RBFOX1: variants seen among roughly 807,000 people sequenced by gnomAD.
RBFOX1 encodes RNA binding protein fox-1 homolog 1.
In RBFOX1, 8 loss-of-function variants were observed where a neutral mutation model predicts 57.7. The observed-to-expected ratio is 0.14, with a 90% CI of 0.08 to 0.25. RBFOX1 has a LOEUF of 0.25. Among genes scored for constraint, RBFOX1 ranks in the 10% least tolerant of loss-of-function variants. RBFOX1 has a pLI of 1.00. For missense variants in RBFOX1, 611 were observed against 548.5 expected (o/e 1.11, Z -1.14); for synonymous variants, 326 against 222.4 (o/e 1.47, Z -4.15).
At chr16:6,404,445 T>C (rs937130426) in intron 2 of RBFOX1, among the ~76,000 whole-genome samples, 1 of 152,136 alleles carries the variant, frequency 6.6e-6, no homozygotes, top group East Asian at 1.9e-4. Flanking sequence ...AGAGTTCAGT[T>C]ACAAATGCAA....
At chr16:7,708,171 TC>T (rs917616436) in intron 14 of RBFOX1, among the ~76,000 whole-genome samples, 19 of 151,606 alleles carry the variant, frequency 1.3e-4, no homozygotes, top group African/African-American at 4.6e-4. Context: ...AGACTTTGTC[TC>T]CCCCCTCATA....
intron 3 of RBFOX1, among the ~76,000 whole-genome samples, chr16:5,794,989 C>G (rs529725075): frequency 5.9e-5 from 9 of 152,334 alleles, no homozygotes; most frequent in Non-Finnish European, 1.2e-4. Context: ...GAGTCACATT[C>G]AAGCCAACAT....
chr16:5,958,220 A>C (rs1596300941), intron 4 of RBFOX1, among the ~76,000 whole-genome samples: 2 of 152,202 alleles, frequency 1.3e-5, no homozygotes, highest in South Asian at 2.1e-4. Context: ...TGTTTTACTA[A>C]AACAGAGCTT....
chr16:7,491,859 A>C (rs1226701019), intron 4 of RBFOX1, among the ~76,000 whole-genome samples: 1 of 152,168 alleles, frequency 6.6e-6, no homozygotes, highest in Non-Finnish European at 1.5e-5. Flanking sequence ...GAAGAATTTG[A>C]TTTTTAGTAA....
intron 5 of RBFOX1, among the ~76,000 whole-genome samples, chr16:7,527,981 A>G (rs1332386063): frequency 6.6e-6 from 1 of 152,226 alleles, no homozygotes; most frequent in African/African-American, 2.4e-5. Flanking sequence ...ATTTATAGAC[A>G]AATGGTTTTC....
chr16:6,820,726 A>G (rs972480186), intron 3 of RBFOX1, among the ~76,000 whole-genome samples: 2 of 152,254 alleles, frequency 1.3e-5, no homozygotes, highest in Admixed American at 1.3e-4. Context: ...TTCTTAGAAG[A>G]TTTTTTAAGA....
rs77928270 is a variant in RBFOX1 at position 5,599,528 on chromosome 16, G to T, written c.*279G>T. On this transcript the variant is annotated 3_prime_UTR_variant, in exon 3 of 3. Coordinates refer to the RBFOX1 transcript ENST00000585867. ...ATACTTCTGAAATCACTCATGCACC[G>T]CCTCTCGGCAATGCAATCATGGTGT... The T allele has an allele frequency of 5.7e-3, 2,137 of 374,002 alleles. 38 individuals are homozygous for T. The highest frequency in any genetic ancestry group is 0.039 in the African/African-American group (1,942 of 49,320). The allele number at this position is 374,002 out of a possible 1,614,324, so 23.2% of individuals were successfully genotyped here. A position where few individuals can be genotyped will look rare whatever the true frequency, so the allele number is the denominator to read the frequency against.
intron 1 of RBFOX1, among the ~76,000 whole-genome samples, chr16:5,352,726 T>A (rs1302154804): frequency 2.0e-5 from 3 of 152,190 alleles, no homozygotes; most frequent in Non-Finnish European, 2.9e-5. Flanking sequence ...GGGGATTGCT[T>A]GAGCCCAGGA....
chr16:7,211,655 A>T (rs1175464616), intron 4 of RBFOX1, among the ~76,000 whole-genome samples: 1 of 152,166 alleles, frequency 6.6e-6, no homozygotes, highest in African/African-American at 2.4e-5. Flanking sequence ...TTCCAGGAGA[A>T]AATGAACAAG....
chr16:6,247,279 A>T (rs570458982), intron 1 of RBFOX1, among the ~76,000 whole-genome samples: 18 of 152,212 alleles, frequency 1.2e-4, no homozygotes, highest in Admixed American at 1.0e-3. Flanking sequence ...CCTTCAATGG[A>T]TTGAGGAGCA....
chr16:7,495,258 G>C (rs1398470782), intron 4 of RBFOX1, among the ~76,000 whole-genome samples: 1 of 152,158 alleles, frequency 6.6e-6, no homozygotes. Flanking sequence ...CTGCTGTTGT[G>C]AATATTACAG....
intron 2 of RBFOX1, among the ~76,000 whole-genome samples, chr16:6,581,007 A>C (rs925728836): frequency 3.3e-5 from 5 of 152,066 alleles, no homozygotes; most frequent in African/African-American, 2.4e-5. Flanking sequence ...TTGGATGAAG[A>C]ATGTGAAAAA....
rs2152345176 is a variant in RBFOX1, at chr16:7,157,777, G to C, written c.27+105679G>C. On this transcript the variant is annotated intron_variant, in intron 4 of 15. Coordinates refer to ENST00000550418, the MANE Select transcript of RBFOX1 (RefSeq NM_018723.4). ...ACAGCTTCACAAAAATCAGACTCTA[G>C]GCAAGAAATTGGATTTACATGTTTT... 2.0e-5 allele frequency among the ~76,000 whole-genome samples: 3 copies of C among 152,160 alleles called. 1 individual carries two copies. The Middle Eastern group carries it at 0.01, about 518-fold the overall frequency.
chr16:5,807,598 T>C (rs775275019), intron 3 of RBFOX1, among the ~76,000 whole-genome samples: 12 of 152,178 alleles, frequency 7.9e-5, no homozygotes, highest in Non-Finnish European at 1.8e-4. Context: ...CACACAAGTG[T>C]ATAAATAGGG....
intron 2 of RBFOX1, among the ~76,000 whole-genome samples, chr16:6,585,531 G>A (rs1311873736): frequency 6.6e-6 from 1 of 152,156 alleles, no homozygotes; most frequent in African/African-American, 2.4e-5. Context: ...GTTTTGCAAG[G>A]TCCTTGCCTC....
chr16:6,839,417 A>C (rs2141374346), intron 3 of RBFOX1, among the ~76,000 whole-genome samples: 1 of 152,358 alleles, frequency 6.6e-6, no homozygotes, highest in Admixed American at 6.5e-5. Context: ...AAACATCGAC[A>C]GACTCAATAA....
intron 1 of RBFOX1, among the ~76,000 whole-genome samples, chr16:5,332,099 T>G (rs1161315350): frequency 6.6e-6 from 1 of 152,188 alleles, no homozygotes; most frequent in African/African-American, 2.4e-5. Context: ...TTGTTTTCCT[T>G]CTTATGTCTT....
chr16:5,860,338 G>C (rs188402432), intron 3 of RBFOX1, among the ~76,000 whole-genome samples: 45 of 152,260 alleles, frequency 3.0e-4, no homozygotes, highest in African/African-American at 9.1e-4. Context: ...ACCTCCCAAA[G>C]TGCTGGGATT....
intron 3 of RBFOX1, among the ~76,000 whole-genome samples, chr16:7,037,475 G>C (rs1358823383): frequency 6.6e-6 from 1 of 152,014 alleles, no homozygotes; most frequent in African/African-American, 2.4e-5. Context: ...TCTGACAATT[G>C]TGATGCTGTC....
Sources: allele counts gnomAD v4.1 joint callset (sites outside exome capture counted in the v4.1 genomes callset), GRCh38; gene constraint gnomAD v4.1.1; transcripts MANE v1.5; gene names NCBI Gene and HGNC (gene_info 2026-07-23, HGNC 2026-07-21).